Variants in PROC observed in about 807,000 individuals in gnomAD.
PROC encodes the protein protein C, inactivator of coagulation factors Va and VIIIa.
In PROC, 22 loss-of-function variants were observed where a neutral mutation model predicts 36.3. The ratio of observed to expected loss-of-function variants is 0.61; its 90% confidence interval spans 0.43 to 0.86. The LOEUF (loss-of-function observed/expected upper bound fraction) is 0.86, where lower values mean the gene tolerates loss of function less well. PROC is among the 40% of genes least tolerant of loss of function. The probability of loss-of-function intolerance (pLI) is 0.00; values close to 1 mark genes in which losing one functional copy is unlikely to be tolerated. For synonymous variants in PROC, 218 were observed against 244.5 expected (o/e 0.89, Z 1.01); for missense variants, 526 against 629.7 (o/e 0.84, Z 1.76).
intron 2 of PROC, among the ~76,000 whole-genome samples, 184 bp from the exon 3 acceptor site, chr2:127,421,099 C>T (rs867145595): frequency 1.3e-5 from 2 of 152,160 alleles, no homozygotes; most frequent in Admixed American, 6.5e-5. Context: ...CCATCTGCTT[C>T]CTGGGGAGGA....
At chr2:127,420,282 T>C (rs1688014461) in intron 2 of PROC, among the ~76,000 whole-genome samples, 1 of 151,974 alleles carries the variant, frequency 6.6e-6, no homozygotes, top group Admixed American at 6.5e-5. Context: ...GGTCACAGAG[T>C]CCCCTGGGCC....
intron 6 of PROC, among the ~76,000 whole-genome samples, chr2:127,424,353 C>T (rs1688346542): frequency 6.6e-6 from 1 of 152,198 alleles, no homozygotes; most frequent in Non-Finnish European, 1.5e-5. Context: ...GCATGCGCCA[C>T]CACGCCCAGC....
At chr2:127,425,937 C>T in intron 6 of PROC, 148 bp from the exon 7 acceptor site, 5 of 805,110 alleles carry the variant, frequency 6.2e-6, no homozygotes, top group Non-Finnish European at 4.2e-6. Context: ...GGGTTCATAG[C>T]TAATATTAAT....
intron 8 of PROC, among the ~76,000 whole-genome samples, chr2:127,427,625 G>A (rs1476222274): frequency 6.6e-6 from 1 of 152,272 alleles, no homozygotes; most frequent in Non-Finnish European, 1.5e-5. Context: ...TGTACAGAGG[G>A]AGCCCTAGCA....
rs1688663101 is a variant in PROC at position 127,428,376 on chromosome 2, C to G, written c.816C>G (p.Arg272=). ...CTGCAGGAGAGTATGACCTGCGGCG[C>G]TGGGAGAAGTGGGAGCTGGACCTGG... ...LVRLGEYDLR[R]WEKWELDLDI... Residue 272 remains arginine (R), a synonymous_variant, in exon 9 of 9, where the codon CGC becomes CGG. Transcript: ENST00000234071. 3 of 1,614,062 alleles carry G rather than the reference C, an allele frequency of 1.9e-6. No individual in the cohort carries two copies. In the East Asian group the frequency reaches 6.7e-5, roughly 36 times the overall value.
At chr2:127,420,056 C>T (rs779401826) in intron 2 of PROC, 44 bp downstream of exon 2, 1 of 1,601,786 alleles carries the variant, frequency 6.2e-7, no homozygotes, top group East Asian at 2.2e-5. Flanking sequence ...GTGGCCTCTA[C>T]AAGGCCCTGG....
At position 127,423,022 on chromosome 2, in the gene PROC, C is replaced by T. The variant is rs773531415; in HGVS notation, c.263-12C>T. The T allele has an allele frequency of 1.2e-6, 2 of 1,612,582 alleles. No individual in the cohort carries two copies. The highest frequency in any genetic ancestry group is 1.1e-5 in the South Asian group (1 of 91,072). On this transcript the variant is annotated splice_polypyrimidine_tract_variant and intron_variant, in intron 4 of 8. Coordinates refer to ENST00000234071, the MANE Select transcript of PROC (RefSeq NM_000312.4). ...TCTGGCCGCTGACCCCCTACCCCGC[C>T]TTGTGTCGCAGACGGTGACCAGTGC...
chr2:127,418,482 G>A lies in PROC; in HGVS notation c.-32G>A, dbSNP rs912629007. On this transcript the variant is annotated 5_prime_UTR_variant, in exon 1 of 9. Transcript: ENST00000234071. The surrounding 1 kb of genome is among the most constrained non-coding windows in gnomAD (Gnocchi z 4.8). ...GACGGCGAACTTGCAGTATCTCCACGACCCGCCCCTGTGAGTCCCCCTCCA... is the reference window on the plus strand; with the variant it reads ...GACGGCGAACTTGCAGTATCTCCACAACCCGCCCCTGTGAGTCCCCCTCCA... The A allele has an allele frequency of 7.1e-5, 92 of 1,289,800 alleles. 1 individual carries two copies. Among genetic ancestry groups the A allele is most frequent in the South Asian group, 3.3e-4 (27 of 81,034 alleles). The allele number at this position is 1,289,800 out of a possible 1,614,324, so 79.9% of individuals were successfully genotyped here.
At chr2:127,422,184 G>C (rs1185795079) in intron 3 of PROC, among the ~76,000 whole-genome samples, 5 of 152,156 alleles carry the variant, frequency 3.3e-5, no homozygotes. Context: ...CTTGCCCTCA[G>C]CCTCCACCTC....
Position 127,422,950 on chromosome 2 carries a change from G to A in PROC, c.262+9G>A. 1 of 1,601,428 alleles carries A rather than the reference G, an allele frequency of 6.2e-7. No individual in the cohort carries two copies. The highest frequency in any genetic ancestry group is 8.5e-7 in the Non-Finnish European group (1 of 1,175,078). On this transcript the variant is annotated intron_variant, in intron 4 of 8. Coordinates refer to ENST00000234071, the MANE Select transcript of PROC (RefSeq NM_000312.4). Reference sequence around the variant, plus strand: ...CTGGTCCAAGCACGTCGGTGAGTGCGTTCTAGATCCCCGGCTGGACTACCG... The same window carrying A: ...CTGGTCCAAGCACGTCGGTGAGTGCATTCTAGATCCCCGGCTGGACTACCG...
chr2:127,418,462 C>T lies in PROC; in HGVS notation c.-52C>T, dbSNP rs148484185. 4.0e-4 allele frequency: 519 copies of T among 1,289,782 alleles called. 3 individuals carry two copies. The African/African-American group carries it at 5.3e-3, about 13-fold the overall frequency. The allele number at this position is 1,289,782 out of a possible 1,614,324, so 79.9% of individuals were successfully genotyped here. A position where few individuals can be genotyped will look rare whatever the true frequency, so the allele number is the denominator to read the frequency against. ...CCAGGCTGTCATGGCGGCAGGACGG[C>T]GAACTTGCAGTATCTCCACGACCCG... On this transcript the variant is annotated 5_prime_UTR_variant, in exon 1 of 9. An upstream open reading frame in the 5' UTR gains an earlier in-frame stop. Transcript: ENST00000234071. The surrounding 1 kb of genome is among the most constrained non-coding windows in gnomAD (Gnocchi z 4.8).
In PROC at chr2:127,423,092, G is replaced by A; in HGVS notation, c.321G>A (p.Gly107=). 6.2e-7 allele frequency: 1 copy of A among 1,611,408 alleles called. No homozygotes were observed. The stretch of plus-strand genomic sequence containing the variant: ...ACCCGTGCGCCAGCCTGTGCTGCGG[G>A]CACGGCACGTGCATCGACGGCATCG... The part of the protein sequence containing the change: ...LEHPCASLCC[G]HGTCIDGIGS... Residue 107 remains glycine, a synonymous_variant, in exon 5 of 9, where the codon GGG becomes GGA. Transcript: ENST00000234071.
In PROC at chr2:127,423,188, G is replaced by T. The variant is rs1328678155; in HGVS notation, c.400+17G>T. ...GCCAGCGCGGTGAGGGGGAGAGGTGGATGCTGGCGGGCGGCGGGGCGGGGC... is the reference window on the plus strand; with the variant it reads ...GCCAGCGCGGTGAGGGGGAGAGGTGTATGCTGGCGGGCGGCGGGGCGGGGC... On this transcript the variant is annotated intron_variant, in intron 5 of 8. Transcript: ENST00000234071. The T allele has an allele frequency of 6.5e-7, 1 of 1,529,266 alleles. No homozygotes were observed. The allele number at this position is 1,529,266 out of a possible 1,614,324, so 94.7% of individuals were successfully genotyped here. A position where few individuals can be genotyped will look rare whatever the true frequency, so the allele number is the denominator to read the frequency against.
Position 127,428,675 on chromosome 2 carries a change from A to G in PROC, c.1115A>G (p.Glu372Gly), listed in dbSNP as rs555974192. The G allele has an allele frequency of 6.2e-7, 1 of 1,613,958 alleles. No individual in the cohort carries two copies. Among genetic ancestry groups the G allele is most frequent in the East Asian group, 2.2e-5 (1 of 44,880 alleles). ...AAGATTCCCGTGGTCCCGCACAATG[A>G]GTGCAGCGAGGTCATGAGCAACATG... ...FIKIPVVPHN[E>G]CSEVMSNMVS... Residue 372 changes from glutamate to glycine, a missense_variant, in exon 9 of 9, where the codon GAG becomes GGG. Glu to Gly is a moderately conservative substitution (Grantham distance 98). Coordinates refer to ENST00000234071, the MANE Select transcript of PROC (RefSeq NM_000312.4).
At position 127,428,873 on chromosome 2, in the gene PROC, T is replaced by C. The variant is rs1573461697; in HGVS notation, c.1313T>C (p.Val438Ala). Residue 438 changes from valine to alanine, a missense_variant, in exon 9 of 9, where the codon GTC (valine) becomes GCC (alanine). Coordinates refer to ENST00000234071, the MANE Select transcript of PROC (RefSeq NM_000312.4). ...LLHNYGVYTK[V>A]SRYLDWIHGH... The stretch of plus-strand genomic sequence containing the variant: ...CACAACTACGGCGTTTACACCAAAG[T>C]CAGCCGCTACCTCGACTGGATCCAT... The C allele has an allele frequency of 6.2e-7, 1 of 1,613,792 alleles. No individual in the cohort carries two copies. The highest frequency in any genetic ancestry group is 1.3e-5 in the African/African-American group (1 of 75,012).
chr2:127,428,274 C>T, intron 8 of PROC, 83 bp from the exon 9 acceptor site: 1 of 1,350,788 alleles, frequency 7.4e-7, no homozygotes, highest in Non-Finnish European at 1.0e-6. Context: ...CCTGCAGGGG[C>T]ACAGCAGTGG....
chr2:127,428,706 T>C lies in PROC; in HGVS notation c.1146T>C (p.Ser382=). 1 of 1,613,808 alleles carries C rather than the reference T, an allele frequency of 6.2e-7. No homozygotes were observed. The highest frequency in any genetic ancestry group is 2.2e-5 in the East Asian group (1 of 44,880). The change falls in exon 9 of 9, where the codon TCT becomes TCC. Residue 382 remains serine, a synonymous_variant. Coordinates refer to ENST00000234071, the MANE Select transcript of PROC (RefSeq NM_000312.4). Reference sequence around the variant, plus strand: ...GCGAGGTCATGAGCAACATGGTGTCTGAGAACATGCTGTGTGCGGGCATCC... The same window carrying C: ...GCGAGGTCATGAGCAACATGGTGTCCGAGAACATGCTGTGTGCGGGCATCC... The part of the protein sequence containing the change: ...ECSEVMSNMV[S]ENMLCAGILG...
rs779585762 is a variant in PROC at position 127,427,123 on chromosome 2, A to G, written c.697A>G (p.Lys233Glu). The change falls in exon 8 of 9, where the codon AAG (lysine) becomes GAG (glutamate). Residue 233 changes from lysine to glutamate, a missense_variant. Transcript: ENST00000234071. The part of the protein sequence containing the change: ...SPWQVVLLDS[K>E]KKLACGAVLI... The stretch of plus-strand genomic sequence containing the variant: ...ATTCCAGGTGGTCCTGCTGGACTCA[A>G]AGAAGAAGCTGGCCTGCGGGGCAGT... 4 of 1,613,918 alleles carry G rather than the reference A, an allele frequency of 2.5e-6. No homozygotes were observed. The highest frequency in any genetic ancestry group is 2.2e-5 in the East Asian group (1 of 44,880).
chr2:127,422,263 C>A (rs1368897364), intron 3 of PROC, among the ~76,000 whole-genome samples: 1 of 152,222 alleles, frequency 6.6e-6, no homozygotes, highest in Non-Finnish European at 1.5e-5. Context: ...CTGGCAGACG[C>A]CACAGTGACT....
Sources: allele counts gnomAD v4.1 joint callset (sites outside exome capture counted in the v4.1 genomes callset), GRCh38; gene constraint gnomAD v4.1.1; non-coding constraint Gnocchi (gnomAD v3.1); transcripts MANE v1.5; gene names NCBI Gene and HGNC (gene_info 2026-07-23, HGNC 2026-07-21).